The following KSR1 variants were observed in gnomAD, a reference collection of about 807,000 sequenced individuals.
KSR1 encodes the protein kinase suppressor of ras.
Under a neutral mutation model 92.9 loss-of-function variants are expected in KSR1, and 35 were observed. The ratio of observed to expected loss-of-function variants is 0.38; its 90% confidence interval spans 0.29 to 0.50. The LOEUF (loss-of-function observed/expected upper bound fraction) is 0.50, where lower values mean the gene tolerates loss of function less well. Among genes scored for constraint, KSR1 ranks in the 20% least tolerant of loss-of-function variants. KSR1 has a pLI of 0.94. For missense variants in KSR1, 972 were observed against 1,158.5 expected, an observed-to-expected ratio of 0.84 and a Z score of 2.34; for synonymous variants, 467 against 472.6, an observed-to-expected ratio of 0.99 and a Z score of 0.15.
At chr17:27,463,457 G>A (rs1597819362) in intron 1 of KSR1, among the ~76,000 whole-genome samples, 1 of 150,588 alleles carries the variant, frequency 6.6e-6, no homozygotes, top group African/African-American at 2.4e-5. Context: ...ACTCCAGCCT[G>A]GATGACAGAG....
chr17:27,517,438 A>C (rs1356221626), intron 1 of KSR1, among the ~76,000 whole-genome samples: 1 of 151,972 alleles, frequency 6.6e-6, no homozygotes, highest in Non-Finnish European at 1.5e-5. Context: ...GCTCAAGTGC[A>C]CACCACCATG....
chr17:27,514,194 G>A (rs1288569595), intron 1 of KSR1, among the ~76,000 whole-genome samples: 4 of 152,238 alleles, frequency 2.6e-5, no homozygotes, highest in Non-Finnish European at 2.9e-5. Flanking sequence ...CAAGCTCCCA[G>A]TAAATAACAC....
chr17:27,538,483 C>T (rs2151059941), intron 1 of KSR1, among the ~76,000 whole-genome samples: 1 of 152,348 alleles, frequency 6.6e-6, no homozygotes, highest in South Asian at 2.1e-4. Context: ...TTAGCCAAAA[C>T]TGTCACAGGT....
chr17:27,564,805 G>C (rs549925494), intron 2 of KSR1, among the ~76,000 whole-genome samples: 61 of 133,322 alleles, frequency 4.6e-4, no homozygotes, highest in African/African-American at 1.6e-3. Flanking sequence ...AGACAGCCCT[G>C]ATAACAGAAG....
At chr17:27,483,985 A>G (rs75297056) in intron 1 of KSR1, 1 of 152,388 alleles carries the variant, frequency 6.6e-6, no homozygotes, top group East Asian at 1.9e-4. Flanking sequence ...GAATTCCTAG[A>G]TGGAGAACTC....
intron 1 of KSR1, among the ~76,000 whole-genome samples, chr17:27,483,500 T>G (rs1028362622): frequency 9.3e-5 from 14 of 149,772 alleles, no homozygotes; most frequent in African/African-American, 3.5e-4. Flanking sequence ...GGCAGGAGAA[T>G]CGCTTGAACG....
At chr17:27,478,775 C>T (rs2068419102) in intron 1 of KSR1, among the ~76,000 whole-genome samples, 1 of 152,116 alleles carries the variant, frequency 6.6e-6, no homozygotes, top group East Asian at 1.9e-4. Context: ...ACTCAAGACC[C>T]CTGAGTCCCA....
chr17:27,573,463 C>T (rs2072387101), intron 2 of KSR1, among the ~76,000 whole-genome samples: 1 of 152,214 alleles, frequency 6.6e-6, no homozygotes, highest in South Asian at 2.1e-4. Flanking sequence ...TTCTGTATAT[C>T]ATGAACTATA....
intron 1 of KSR1, among the ~76,000 whole-genome samples, chr17:27,476,153 C>T (rs2068336127): frequency 6.6e-6 from 1 of 152,316 alleles, no homozygotes; most frequent in Admixed American, 6.5e-5. Context: ...CGGCTCCTGC[C>T]CCGGGGGGAC....
intron 10 of KSR1, among the ~76,000 whole-genome samples, chr17:27,600,077 A>T (rs1227199066): frequency 6.9e-6 from 1 of 145,556 alleles, no homozygotes. Context: ...GCCTGAGGCT[A>T]GTTTACAGAT....
intron 1 of KSR1, among the ~76,000 whole-genome samples, chr17:27,492,827 A>C (rs1374334995): frequency 6.6e-6 from 1 of 152,186 alleles, no homozygotes; most frequent in Non-Finnish European, 1.5e-5. Flanking sequence ...AAATGGGGCT[A>C]ACAGGATTTG....
rs372191751 is a variant in KSR1 at position 27,559,189 on chromosome 17, T to C, written c.372+8481T>C. 3.5e-4 allele frequency among the ~76,000 whole-genome samples: 54 copies of C among 152,224 alleles called. No individual in the cohort carries two copies. The highest frequency in any genetic ancestry group is 1.3e-3 in the African/African-American group (53 of 41,460). Reference sequence around the variant, plus strand: ...TGGTCACACAGTACGGCAGCTGCATTTCCAGGTTCCTGGTGTGGCTGAGGT... The same window carrying C: ...TGGTCACACAGTACGGCAGCTGCATCTCCAGGTTCCTGGTGTGGCTGAGGT... On this transcript the variant is annotated intron_variant, in intron 2 of 20. Coordinates refer to ENST00000644974, the MANE Select transcript of KSR1 (RefSeq NM_001394583.1). This position sits in a 1 kb window ranked among gnomAD's most constrained non-coding sequence, Gnocchi z 4.2.
At chr17:27,602,594 C>T (rs573511877) in intron 11 of KSR1, among the ~76,000 whole-genome samples, 5 of 152,318 alleles carry the variant, frequency 3.3e-5, no homozygotes, top group African/African-American at 7.2e-5. Context: ...TTTGCCTTCC[C>T]ATCTGGGGTT....
In KSR1 at chr17:27,456,853, G is replaced by A; in HGVS notation, c.210G>A (p.Gln70=). ...GCGCTGTGTCCAACGACCTCACCCA[G>A]CAGGAGATACGGACCCTGGAGGTAA... ...TKCAVSNDLT[Q]QEIRTLEAKL... Residue 70 remains glutamine (Q), a synonymous_variant, in exon 1 of 21, where the codon CAG becomes CAA. Coordinates refer to ENST00000644974, the MANE Select transcript of KSR1 (RefSeq NM_001394583.1). The A allele has an allele frequency of 9.2e-7, 1 of 1,085,212 alleles. No homozygotes were observed. The highest frequency in any genetic ancestry group is 1.4e-6 in the Non-Finnish European group (1 of 713,186). The allele number at this position is 1,085,212 out of a possible 1,614,324, so 67.2% of individuals were successfully genotyped here. A position where few individuals can be genotyped will look rare whatever the true frequency, so the allele number is the denominator to read the frequency against.
rs1053821086 is a variant in KSR1, at chr17:27,560,199, G to A, written c.372+9491G>A. On this transcript the variant is annotated intron_variant, in intron 2 of 20. Transcript: ENST00000644974. ...AGCGGCCCCCTGTCCCACAAGTTACGTCTAAAAGTCTCAGCTTCATATTCT... is the reference window on the plus strand; with the variant it reads ...AGCGGCCCCCTGTCCCACAAGTTACATCTAAAAGTCTCAGCTTCATATTCT... The A allele has an allele frequency of 3.0e-5, 10 of 331,084 alleles. No individual in the cohort carries two copies. The East Asian group carries it at 3.6e-4, about 12-fold the overall frequency. The allele number at this position is 331,084 out of a possible 1,614,324, so 20.5% of individuals were successfully genotyped here.
At chr17:27,565,380 G>A (rs2072022175) in intron 2 of KSR1, among the ~76,000 whole-genome samples, 1 of 152,234 alleles carries the variant, frequency 6.6e-6, no homozygotes, top group African/African-American at 2.4e-5. Flanking sequence ...AGGAGGCAGT[G>A]CTTTTATCCT....
chr17:27,604,410 T>C (rs1042800275), intron 12 of KSR1, among the ~76,000 whole-genome samples: 1 of 152,156 alleles, frequency 6.6e-6, no homozygotes, highest in African/African-American at 2.4e-5. Flanking sequence ...TGTGTAGCAG[T>C]GTCACATCTG....
At chr17:27,579,406 T>C (rs1271963312) in intron 3 of KSR1, 1 of 152,230 alleles carries the variant, frequency 6.6e-6, no homozygotes, top group African/African-American at 2.4e-5. Flanking sequence ...AGTTTCCTCA[T>C]CTGTAAAATG....
rs556239094 is a variant in KSR1, at chr17:27,459,050, C to T, written c.231+2176C>T. ...AAATCCAGATTTACTGAACCCATAA[C>T]ATAGGGGTTAAGTTTATTAGAAGAA... is the stretch of plus-strand genomic sequence containing the variant. On this transcript the variant is annotated intron_variant, in intron 1 of 20. Transcript: ENST00000644974. The surrounding 1 kb of genome is among the most constrained non-coding windows in gnomAD (Gnocchi z 4.6). Among the ~76,000 whole-genome samples, 2 of 152,258 alleles carry T rather than the reference C, an allele frequency of 1.3e-5. No individual in the cohort carries two copies. Among genetic ancestry groups the T allele is most frequent in the South Asian group, 4.1e-4 (2 of 4,820 alleles).
Sources: allele counts gnomAD v4.1 joint callset (sites outside exome capture counted in the v4.1 genomes callset), GRCh38; gene constraint gnomAD v4.1.1; non-coding constraint Gnocchi (gnomAD v3.1); transcripts MANE v1.5; gene names NCBI Gene and HGNC (gene_info 2026-07-23, HGNC 2026-07-21).